The following DLGAP1 variants were observed in gnomAD, a reference collection of about 807,000 sequenced individuals.
DLGAP1 encodes DLG associated protein 1.
Under a neutral mutation model 90.8 loss-of-function variants are expected in DLGAP1, and 11 were observed. The observed-to-expected ratio is 0.12, with a 90% confidence interval of 0.08 to 0.20. The LOEUF is 0.20. Ranked by LOEUF, DLGAP1 falls within the 10% of genes least tolerant of loss-of-function variation. The pLI, the probability that DLGAP1 is intolerant of heterozygous loss-of-function variation, is 1.00. For missense variants in DLGAP1, 1,050 were observed against 1,333.8 expected (o/e 0.79, Z 3.31); for synonymous variants, 558 against 540.7 (o/e 1.03, Z -0.44).
At chr18:3,822,020 A>AAC in intron 4 of DLGAP1, 2 of 960,878 alleles carry the variant, frequency 2.1e-6, no homozygotes, top group African/African-American at 1.9e-5. Context: ...TCATAGCAAA[A>AAC]ACAGAAAAAA....
intron 1 of DLGAP1, among the ~76,000 whole-genome samples, chr18:4,389,354 G>A (rs1249962233): frequency 6.6e-6 from 1 of 152,100 alleles, no homozygotes; most frequent in Non-Finnish European, 1.5e-5. Flanking sequence ...GGCTGCCAAG[G>A]GGTACGGGTA....
intron 2 of DLGAP1, among the ~76,000 whole-genome samples, chr18:4,058,928 A>G (rs2075261712): frequency 6.6e-6 from 1 of 152,240 alleles, no homozygotes; most frequent in African/African-American, 2.4e-5. Context: ...GAGAGTCACC[A>G]TAAGGTCATG....
At chr18:4,099,452 T>C (rs1271727534) in intron 2 of DLGAP1, among the ~76,000 whole-genome samples, 2 of 152,198 alleles carry the variant, frequency 1.3e-5, no homozygotes, top group Non-Finnish European at 2.9e-5. Context: ...AGTTTCCCAA[T>C]GCGTGTAAGA....
At chr18:4,402,466 C>A (rs2082575592) in intron 1 of DLGAP1, among the ~76,000 whole-genome samples, 1 of 152,102 alleles carries the variant, frequency 6.6e-6, no homozygotes, top group South Asian at 2.1e-4. Flanking sequence ...AAGAAAATGC[C>A]TTATTTGCTC....
At chr18:4,133,812 G>T (rs190692545) in intron 2 of DLGAP1, among the ~76,000 whole-genome samples, 1 of 152,184 alleles carries the variant, frequency 6.6e-6, no homozygotes, top group Admixed American at 6.5e-5. Context: ...AAGTTCGTGG[G>T]TGAGGCACTA....
At chr18:3,997,759 T>C (rs1355175308) in intron 3 of DLGAP1, among the ~76,000 whole-genome samples, 1 of 152,118 alleles carries the variant, frequency 6.6e-6, no homozygotes, top group East Asian at 1.9e-4. Context: ...GTCACAAATA[T>C]TATGTATGTA....
At chr18:3,897,186 G>A (rs2071646825) in intron 3 of DLGAP1, 1 of 152,288 alleles carries the variant, frequency 6.6e-6, no homozygotes, top group Non-Finnish European at 1.5e-5. Flanking sequence ...GATAGGTGAG[G>A]AAAGATATCA....
At chr18:4,085,602 A>G (rs115784154) in intron 2 of DLGAP1, among the ~76,000 whole-genome samples, 2,655 of 152,316 alleles carry the variant, frequency 0.017, 81 homozygotes, top group African/African-American at 0.058. Flanking sequence ...CTAACTGCCA[A>G]TATCTGTTTT....
At chr18:3,898,009 T>C (rs1000144465) in intron 3 of DLGAP1, among the ~76,000 whole-genome samples, 7 of 152,102 alleles carry the variant, frequency 4.6e-5, no homozygotes, top group Middle Eastern at 3.4e-3. Flanking sequence ...TTAGCCAGGA[T>C]GGTCTCGATC....
chr18:4,027,503 C>CA (rs59592467), intron 2 of DLGAP1, among the ~76,000 whole-genome samples: 769 of 55,616 alleles, frequency 0.014, 50 homozygotes, highest in Middle Eastern at 0.023. Flanking sequence ...GACTCCGTCT[C>CA]AAAAAAAAAA....
chr18:3,797,139 C>T (rs373524328), intron 5 of DLGAP1, among the ~76,000 whole-genome samples: 1 of 152,170 alleles, frequency 6.6e-6, no homozygotes, highest in African/African-American at 2.4e-5. Flanking sequence ...CGAGACCATC[C>T]TGGCTAACAT....
intron 5 of DLGAP1, among the ~76,000 whole-genome samples, chr18:3,761,536 T>C (rs1413480440): frequency 1.3e-5 from 2 of 152,220 alleles, no homozygotes; most frequent in Non-Finnish European, 2.9e-5. Context: ...AATGCTGTGA[T>C]GAGTACGAGT....
At chr18:4,062,066 G>C (rs774109470) in intron 2 of DLGAP1, among the ~76,000 whole-genome samples, 3 of 152,116 alleles carry the variant, frequency 2.0e-5, no homozygotes, top group Non-Finnish European at 4.4e-5. Context: ...TAATCCTTGT[G>C]TGACTTTTTG....
chr18:4,099,301 ATCTATC>A (rs2075736602), intron 2 of DLGAP1, among the ~76,000 whole-genome samples: 1 of 17,368 alleles, frequency 5.8e-5, no homozygotes, highest in South Asian at 2.0e-3. Flanking sequence ...TCTATCATCT[ATCTATC>A]TATCTATCTA....
chr18:3,644,669 T>A (rs866844712), intron 7 of DLGAP1, among the ~76,000 whole-genome samples: 1 of 152,314 alleles, frequency 6.6e-6, no homozygotes, highest in Admixed American at 6.5e-5. Context: ...CGCCTCGGCC[T>A]CCCAAAGTGC....
At chr18:4,278,765 T>TTTTC (rs145829293) in intron 1 of DLGAP1, among the ~76,000 whole-genome samples, 69,668 of 151,590 alleles carry the variant, frequency 0.46, 19,686 homozygotes, top group African/African-American at 0.81. Context: ...CACACACATA[T>TTTTC]TTTATCTAAT....
intron 1 of DLGAP1, among the ~76,000 whole-genome samples, chr18:4,358,605 A>G (rs2081571470): frequency 6.6e-6 from 1 of 152,214 alleles, no homozygotes; most frequent in South Asian, 2.1e-4. Context: ...CTCACTCTCC[A>G]TTGTTTTCTT....
chr18:4,110,472 T>G (rs1568402424), intron 2 of DLGAP1, among the ~76,000 whole-genome samples: 1 of 152,182 alleles, frequency 6.6e-6, no homozygotes, highest in Admixed American at 6.5e-5. Flanking sequence ...AGAATTAAGC[T>G]TAACAAATCA....
chr18:4,279,585 C>T (rs940796108), intron 1 of DLGAP1, among the ~76,000 whole-genome samples: 5 of 152,188 alleles, frequency 3.3e-5, no homozygotes, highest in African/African-American at 1.2e-4. Context: ...TTCCCTCTAG[C>T]TCAACAAACA....
Sources: gnomAD v4.1 joint callset for allele counts (sites outside exome capture counted in the v4.1 genomes callset) on GRCh38, gnomAD v4.1.1 for gene constraint, MANE v1.5 for transcripts, NCBI Gene and HGNC (gene_info 2026-07-23, HGNC 2026-07-21) for gene names.